The following MYO5B variants were observed in gnomAD, a reference collection of about 807,000 sequenced individuals.
MYO5B encodes unconventional myosin-Vb.
MYO5B carries 143 observed loss-of-function variants against 229.3 expected under a neutral mutation model. The ratio of observed to expected loss-of-function variants is 0.62; its 90% CI spans 0.54 to 0.72. The LOEUF (loss-of-function observed/expected upper bound fraction) is 0.72, where lower values mean the gene tolerates loss of function less well. Among genes scored for constraint, MYO5B ranks in the 30% least tolerant of loss-of-function variants. The pLI, the probability that MYO5B is intolerant of heterozygous loss-of-function variation, is 0.00. For missense variants in MYO5B, 2,321 were observed against 2,331.0 expected, an observed-to-expected ratio of 1.00 and a Z score of 0.09; for synonymous variants, 918 against 885.2, an observed-to-expected ratio of 1.04 and a Z score of -0.66.
At chr18:50,164,493 C>T (rs1599070668) in intron 1 of MYO5B, among the ~76,000 whole-genome samples, 1 of 152,264 alleles carries the variant, frequency 6.6e-6, no homozygotes, top group Non-Finnish European at 1.5e-5. Flanking sequence ...GGGAAATGCC[C>T]CCTTGATAAG....
intron 16 of MYO5B, among the ~76,000 whole-genome samples, chr18:49,931,440 A>G (rs971352292): frequency 6.6e-6 from 1 of 152,218 alleles, no homozygotes; most frequent in Non-Finnish European, 1.5e-5. Flanking sequence ...AGCCCACGGC[A>G]CTGAGCATGT....
intron 14 of MYO5B, among the ~76,000 whole-genome samples, chr18:49,942,915 T>G (rs1298098369): frequency 6.6e-6 from 1 of 152,020 alleles, no homozygotes; most frequent in Non-Finnish European, 1.5e-5. Flanking sequence ...CACATGCACA[T>G]GTATATTTAT....
At chr18:50,037,130 A>C in intron 3 of MYO5B, 136 bp from the exon 4 acceptor site, 1 of 899,938 alleles carries the variant, frequency 1.1e-6, no homozygotes, top group Non-Finnish European at 1.8e-6. Flanking sequence ...TAACCAATCA[A>C]TCAGCTCAAT....
intron 1 of MYO5B, among the ~76,000 whole-genome samples, chr18:50,123,524 C>T (rs73430339): frequency 0.021 from 3,180 of 152,048 alleles, 95 homozygotes; most frequent in African/African-American, 0.072. Context: ...ATCAGGAATT[C>T]GAGACCAGCC....
intron 10 of MYO5B, among the ~76,000 whole-genome samples, chr18:49,966,242 C>T (rs1411655075): frequency 6.6e-6 from 1 of 152,178 alleles, no homozygotes; most frequent in Non-Finnish European, 1.5e-5. Flanking sequence ...TTAAATGAGT[C>T]AACTGCTTGG....
intron 19 of MYO5B, among the ~76,000 whole-genome samples, chr18:49,905,196 T>C (rs997898204): frequency 6.6e-6 from 1 of 152,190 alleles, no homozygotes; most frequent in African/African-American, 2.4e-5. Context: ...TTGCTGCCTG[T>C]CCTCTGTACC....
chr18:50,098,152 G>A (rs776021578), intron 1 of MYO5B, among the ~76,000 whole-genome samples: 31 of 152,254 alleles, frequency 2.0e-4, no homozygotes, highest in Non-Finnish European at 3.8e-4. Context: ...AATATAACTT[G>A]CTTATATCCA....
chr18:49,964,045 GTTC>G (rs1397837255), intron 10 of MYO5B, among the ~76,000 whole-genome samples: 3 of 152,120 alleles, frequency 2.0e-5, no homozygotes, highest in Non-Finnish European at 4.4e-5. Context: ...GGACATTTTG[GTTC>G]TTTTCTCAGT....
At chr18:50,030,876 G>GGAAA (rs2026380039) in intron 4 of MYO5B, among the ~76,000 whole-genome samples, 1 of 30,484 alleles carries the variant, frequency 3.3e-5, no homozygotes. Context: ...CTCCCTTTCA[G>GGAAA]AAAAAAAAAA....
At chr18:49,936,726 C>T (rs929242349) in intron 15 of MYO5B, among the ~76,000 whole-genome samples, 4 of 152,154 alleles carry the variant, frequency 2.6e-5, no homozygotes, top group African/African-American at 9.7e-5. Context: ...CATCCGATGC[C>T]TGGGTATCCT....
rs121908105 is a variant in MYO5B, at chr18:49,936,289, G to A, written c.1966C>T (p.Arg656Cys). ...TTCTCATCGTTGGGCTTGATGCAGC[G>A]GACATAGTGAGGTGTCGTGGCATTC... is the stretch of plus-strand genomic sequence containing the variant. ...TLNATTPHYV[R>C]CIKPNDEKLP... The change falls in exon 16 of 40, where the codon CGC becomes TGC. Residue 656 changes from arginine (R) to cysteine (C), a missense_variant. Physicochemically the swap from Arg to Cys is radical, Grantham distance 180 (BLOSUM62 -3). Around this residue, in one of 2 missense-constraint regions of MYO5B, gnomAD observed 2,113 missense variants for 2,044.7 expected, o/e 1.03. Coordinates refer to ENST00000285039, the MANE Select transcript of MYO5B (RefSeq NM_001080467.3). The A allele has an allele frequency of 6.2e-6, 10 of 1,604,026 alleles. No individual in the cohort carries two copies. The highest frequency in any genetic ancestry group is 1.7e-4 in the Middle Eastern group (1 of 6,048).
intron 38 of MYO5B, among the ~76,000 whole-genome samples, chr18:49,836,127 G>C (rs1422781981): frequency 6.6e-6 from 1 of 152,162 alleles, no homozygotes; most frequent in Admixed American, 6.5e-5. Context: ...ACTGAGTTTG[G>C]ATTTTGTTAT....
chr18:49,947,303 C>T (rs1008981090), intron 14 of MYO5B, among the ~76,000 whole-genome samples: 12 of 151,932 alleles, frequency 7.9e-5, no homozygotes, highest in East Asian at 5.8e-4. Context: ...GATGGGGTTT[C>T]GCCATGTTAG....
At chr18:50,110,507 CT>C (rs1333136804) in intron 1 of MYO5B, among the ~76,000 whole-genome samples, 1 of 152,146 alleles carries the variant, frequency 6.6e-6, no homozygotes, top group Non-Finnish European at 1.5e-5. Context: ...GTACACATTA[CT>C]GAAAAGTACC....
rs2024879380 is a variant in MYO5B at position 49,904,686 on chromosome 18, T to C, written c.2557A>G (p.Arg853Gly). Residue 853 changes from arginine (R) to glycine (G), a missense_variant, in exon 20 of 40, where the codon AGA becomes GGA. Physicochemically the swap from Arg to Gly is moderately radical, Grantham distance 125. Transcript: ENST00000285039. ...QAFTRAMFVRRTYRQVLMEHK... is the reference protein window; with the variant it reads ...QAFTRAMFVRGTYRQVLMEHK... ...TGGCTACTCACCTGGCGGTAGGTTC[T>C]CCGCACAAACATGGCCCGGGTGAAG... is the stretch of plus-strand genomic sequence containing the variant. 1 of 1,613,772 alleles carries C rather than the reference T, an allele frequency of 6.2e-7. No individual in the cohort carries two copies.
intron 16 of MYO5B, among the ~76,000 whole-genome samples, chr18:49,932,808 C>T (rs2025208409): frequency 6.6e-6 from 1 of 152,144 alleles, no homozygotes; most frequent in Admixed American, 6.5e-5. Flanking sequence ...GCCTTCTGTA[C>T]TTCCTCTCCC....
At chr18:49,987,858 G>C (rs2025887458) in intron 7 of MYO5B, among the ~76,000 whole-genome samples, 1 of 152,218 alleles carries the variant, frequency 6.6e-6, no homozygotes, top group Non-Finnish European at 1.5e-5. Flanking sequence ...GAGGAAATAA[G>C]CTGTGAGTGG....
At chr18:49,954,510 G>A in intron 12 of MYO5B, 75 bp from the exon 13 acceptor site, 1 of 1,587,370 alleles carries the variant, frequency 6.3e-7, no homozygotes, top group Non-Finnish European at 8.6e-7. Context: ...CAGAGGGATG[G>A]GACCAGTAGG....
At position 49,824,668 on chromosome 18, in the gene MYO5B, T is replaced by C. The variant is rs1263211170; in HGVS notation, c.*1803A>G. ...ACAAATTATCCTTCACAAACAACTTTAAAGAGGTAGCCACAAACCCAGTTG... is the reference window on the plus strand; with the variant it reads ...ACAAATTATCCTTCACAAACAACTTCAAAGAGGTAGCCACAAACCCAGTTG... On this transcript the variant is annotated 3_prime_UTR_variant, in exon 40 of 40. Coordinates refer to ENST00000285039, the MANE Select transcript of MYO5B (RefSeq NM_001080467.3). The C allele has an allele frequency of 6.6e-6, 1 of 152,148 alleles. No homozygotes were observed. The highest frequency in any genetic ancestry group is 1.5e-5 in the Non-Finnish European group (1 of 68,030). The allele number at this position is 152,148 out of a possible 1,614,324, so 9.4% of individuals were successfully genotyped here.
Sources: allele counts gnomAD v4.1 joint callset (sites outside exome capture counted in the v4.1 genomes callset), GRCh38; gene constraint gnomAD v4.1.1; regional missense constraint gnomAD v4.1.1; transcripts MANE v1.5; gene names NCBI Gene and HGNC (gene_info 2026-07-23, HGNC 2026-07-21).